The following ATP2B1 variants were observed in gnomAD, a reference collection of about 807,000 sequenced individuals.
The protein encoded by ATP2B1 is ATPase plasma membrane Ca2+ transporting 1.
A neutral mutation model predicts 124.2 loss-of-function variants in ATP2B1; 14 were observed. The observed-to-expected ratio is 0.11, with a 90% CI of 0.07 to 0.18. ATP2B1 has a LOEUF of 0.18. Among genes scored for constraint, ATP2B1 ranks in the 10% least tolerant of loss-of-function variants. ATP2B1 has a pLI of 1.00. For synonymous variants in ATP2B1, 449 were observed against 492.4 expected, an observed-to-expected ratio of 0.91 and a Z score of 1.17; for missense variants, 763 against 1,466.1, an observed-to-expected ratio of 0.52 and a Z score of 7.83.
At chr12:89,657,053 C>T (rs181283684) in intron 1 of ATP2B1, among the ~76,000 whole-genome samples, 1 of 152,252 alleles carries the variant, frequency 6.6e-6, no homozygotes, top group African/African-American at 2.4e-5. Context: ...GATAAGCTCT[C>T]CTCTCCATAC....
At chr12:89,632,244 G>A (rs1881995689) in intron 5 of ATP2B1, among the ~76,000 whole-genome samples, 1 of 151,960 alleles carries the variant, frequency 6.6e-6, no homozygotes. Flanking sequence ...TATGAACCAA[G>A]TTGATGCTCA....
intron 20 of ATP2B1, among the ~76,000 whole-genome samples, chr12:89,598,243 T>TA (rs1875076961): frequency 6.6e-6 from 1 of 152,160 alleles, no homozygotes; most frequent in Admixed American, 6.6e-5. Flanking sequence ...CACATGCTTT[T>TA]AGGAAACATG....
Position 89,591,228 on chromosome 12 carries a change from G to A in ATP2B1, c.3419C>T (p.Ser1140Leu). The part of the protein sequence containing the change: ...EGLEKPESRS[S>L]IHNFMTHPEF... ...AGGATGTGTCATAAAGTTGTGAATCGAACTTCTTGATTCCGGTTTTTCTAA... is the reference window on the plus strand; with the variant it reads ...AGGATGTGTCATAAAGTTGTGAATCAAACTTCTTGATTCCGGTTTTTCTAA... The change falls in exon 21 of 21, where the codon TCG (serine) becomes TTG (leucine). Residue 1140 changes from serine to leucine, a missense_variant. By Grantham distance (145) the Ser-to-Leu change is moderately radical. Coordinates refer to ENST00000428670, the MANE Select transcript of ATP2B1 (RefSeq NM_001366521.1). 1 of 1,612,862 alleles carries A rather than the reference G, an allele frequency of 6.2e-7. No individual in the cohort carries two copies. The highest frequency in any genetic ancestry group is 8.5e-7 in the Non-Finnish European group (1 of 1,179,196).
At chr12:89,689,431 C>T (rs1890308765) in intron 1 of ATP2B1, among the ~76,000 whole-genome samples, 1 of 152,054 alleles carries the variant, frequency 6.6e-6, no homozygotes, top group East Asian at 1.9e-4. Flanking sequence ...ATTGGGTCTT[C>T]CAGCAGCTGA....
chr12:89,654,988 A>C (rs1885780796), intron 2 of ATP2B1, among the ~76,000 whole-genome samples: 1 of 152,214 alleles, frequency 6.6e-6, no homozygotes, highest in South Asian at 2.1e-4. Flanking sequence ...TATGAAAGGC[A>C]ATCTTCTGAA....
intron 7 of ATP2B1, among the ~76,000 whole-genome samples, chr12:89,627,364 T>A (rs1361503762): frequency 6.8e-6 from 1 of 146,928 alleles, no homozygotes; most frequent in Non-Finnish European, 1.5e-5. Flanking sequence ...CCCCAAGATA[T>A]CTCATTATGT....
chr12:89,639,378 C>T (rs1300616241), intron 3 of ATP2B1, among the ~76,000 whole-genome samples: 1 of 151,930 alleles, frequency 6.6e-6, no homozygotes, highest in East Asian at 1.9e-4. Context: ...GTGGCACATG[C>T]CTATAGTCCC....
At position 89,589,098 on chromosome 12, in the gene ATP2B1, C is replaced by G. The variant is rs1873110234; in HGVS notation, c.*1886G>C. On this transcript the variant is annotated 3_prime_UTR_variant, in exon 21 of 21. Coordinates refer to ENST00000428670, the MANE Select transcript of ATP2B1 (RefSeq NM_001366521.1). ...TACCTGATGAATAAATGTACAATTA[C>G]AAATGCTGACAGAGCCAATGTGTTT... 6.6e-6 allele frequency: 1 copy of G among 152,550 alleles called. No homozygotes were observed. The highest frequency in any genetic ancestry group is 2.1e-4 in the South Asian group (1 of 4,824). 9.4% of individuals were successfully genotyped at this position (152,550 alleles called of 1,614,324 possible).
At chr12:89,610,313 CAG>C (rs1877756830) in intron 14 of ATP2B1, 106 bp downstream of exon 14, 4 of 969,586 alleles carry the variant, frequency 4.1e-6, no homozygotes, top group Admixed American at 2.3e-5. Flanking sequence ...TTTATTAAAA[CAG>C]ATGATATCCA....
rs749796242 is a variant in ATP2B1, at chr12:89,621,639, C to T, written c.1497G>A (p.Lys499=). Residue 499 remains lysine, a synonymous_variant, in exon 10 of 21, where the codon AAG becomes AAA. Transcript: ENST00000428670. The stretch of plus-strand genomic sequence containing the variant: ...GTGGAATAGCTTCTGGTTCAGGAAC[C>T]TTTTTATAATGTTTTTCATTTATGT... ...QAYINEKHYK[K]VPEPEAIPPN... The T allele has an allele frequency of 9.9e-6, 16 of 1,610,858 alleles. No individual in the cohort carries two copies. Among genetic ancestry groups the T allele is most frequent in the Non-Finnish European group, 1.2e-5 (14 of 1,178,370 alleles).
At chr12:89,680,357 TAA>T (rs1183517936) in intron 1 of ATP2B1, among the ~76,000 whole-genome samples, 1 of 151,718 alleles carries the variant, frequency 6.6e-6, no homozygotes, top group African/African-American at 2.4e-5. Context: ...ATTCAAAAAC[TAA>T]AAAGAGAGAT....
chr12:89,660,568 C>G (rs1886585465), intron 1 of ATP2B1, among the ~76,000 whole-genome samples: 1 of 152,200 alleles, frequency 6.6e-6, no homozygotes, highest in African/African-American at 2.4e-5. Flanking sequence ...AACGTAATAT[C>G]TAACAAAGGG....
At chr12:89,693,593 AT>A (rs1290511118) in intron 1 of ATP2B1, among the ~76,000 whole-genome samples, 1 of 67,566 alleles carries the variant, frequency 1.5e-5, no homozygotes, top group Non-Finnish European at 3.1e-5. Flanking sequence ...GTGAATTCTT[AT>A]TTTTTACTTT....
chr12:89,597,397 G>A (rs1003304695), intron 20 of ATP2B1, among the ~76,000 whole-genome samples: 2 of 152,122 alleles, frequency 1.3e-5, no homozygotes, highest in African/African-American at 4.8e-5. Context: ...TGCGGCCTCT[G>A]CTTATTAGTC....
chr12:89,604,858 C>G (rs1053994741), intron 15 of ATP2B1, among the ~76,000 whole-genome samples: 1 of 140,334 alleles, frequency 7.1e-6, no homozygotes, highest in Non-Finnish European at 1.5e-5. Context: ...ACAACAGAAC[C>G]CCCCTGTCAG....
intron 1 of ATP2B1, among the ~76,000 whole-genome samples, chr12:89,692,105 T>C (rs908079683): frequency 1.3e-5 from 2 of 152,072 alleles, no homozygotes; most frequent in Non-Finnish European, 2.9e-5. Context: ...TAATGAAACC[T>C]ATACACTTTA....
In ATP2B1 at chr12:89,627,077, T is replaced by C. The variant is rs1881001326; in HGVS notation, c.968-462A>G. On this transcript the variant is annotated intron_variant, in intron 7 of 20. Coordinates refer to ENST00000428670, the MANE Select transcript of ATP2B1 (RefSeq NM_001366521.1). Reference sequence around the variant, plus strand: ...TGCATTTTTGCTACTAACTATATAATAACCAGCGTTCAAATACTTGAAATA... The same window carrying C: ...TGCATTTTTGCTACTAACTATATAACAACCAGCGTTCAAATACTTGAAATA... 3.9e-5 allele frequency among the ~76,000 whole-genome samples: 6 copies of C among 152,160 alleles called. No individual in the cohort carries two copies. In the South Asian group the frequency reaches 1.2e-3, roughly 32 times the overall value.
chr12:89,663,130 A>T (rs1886895224), intron 1 of ATP2B1, among the ~76,000 whole-genome samples: 2 of 152,224 alleles, frequency 1.3e-5, no homozygotes, highest in African/African-American at 4.8e-5. Flanking sequence ...CAATGGAAGC[A>T]ACCACAATTT....
chr12:89,629,185 A>C (rs1881437895), intron 6 of ATP2B1, among the ~76,000 whole-genome samples: 1 of 152,190 alleles, frequency 6.6e-6, no homozygotes, highest in Admixed American at 6.6e-5. Context: ...CTTGTGGATT[A>C]GGATGGAGCA....
Sources: gnomAD v4.1 joint callset for allele counts (sites outside exome capture counted in the v4.1 genomes callset) on GRCh38, gnomAD v4.1.1 for gene constraint, MANE v1.5 for transcripts, NCBI Gene and HGNC (gene_info 2026-07-23, HGNC 2026-07-21) for gene names.